INTS4: variants seen among roughly 807,000 people sequenced by gnomAD.
The protein encoded by INTS4 is integrator complex subunit 4.
A neutral mutation model predicts 119.5 loss-of-function variants in INTS4; 70 were observed. The ratio of observed to expected loss-of-function variants is 0.59; its 90% CI spans 0.48 to 0.71. INTS4 has a LOEUF of 0.71. INTS4 is among the 30% of genes least tolerant of loss of function. The pLI, the probability that INTS4 is intolerant of heterozygous loss-of-function variation, is 0.00. For missense variants in INTS4, 867 were observed against 1,173.2 expected, an observed-to-expected ratio of 0.74 and a Z score of 3.81; for synonymous variants, 316 against 419.6, an observed-to-expected ratio of 0.75 and a Z score of 3.02.
intron 15 of INTS4, chr11:77,911,228 G>A (rs529735997): frequency 4.0e-5 from 41 of 1,025,506 alleles, no homozygotes; most frequent in South Asian, 1.6e-4. Context: ...CTTCTTATTC[G>A]TTTGGGTTGC....
At chr11:77,900,289 C>T (rs1169452739) in intron 18 of INTS4, among the ~76,000 whole-genome samples, 2 of 152,062 alleles carry the variant, frequency 1.3e-5, no homozygotes, top group Non-Finnish European at 2.9e-5. Flanking sequence ...TTAGTAGAGA[C>T]AGGGTTTCAC....
intron 19 of INTS4, 99 bp from the exon 20 acceptor site, chr11:77,891,939 G>A (rs1206238013): frequency 6.4e-7 from 1 of 1,568,600 alleles, no homozygotes; most frequent in Non-Finnish European, 8.6e-7. Context: ...TAGGAAGAAT[G>A]ATGAAGTGAG....
chr11:77,896,368 C>T (rs1202724172), intron 18 of INTS4, among the ~76,000 whole-genome samples: 3 of 152,098 alleles, frequency 2.0e-5, no homozygotes, highest in African/African-American at 7.2e-5. Flanking sequence ...AAAGAATTTA[C>T]TGGCCAGGCA....
At chr11:77,968,222 T>C (rs1855575741) in intron 4 of INTS4, among the ~76,000 whole-genome samples, 1 of 152,210 alleles carries the variant, frequency 6.6e-6, no homozygotes, top group Non-Finnish European at 1.5e-5. Flanking sequence ...CTGTAATTGA[T>C]ATCCTTAAAA....
intron 1 of INTS4, among the ~76,000 whole-genome samples, chr11:77,992,378 C>A (rs771925834): frequency 5.3e-5 from 8 of 151,898 alleles, no homozygotes; most frequent in Non-Finnish European, 2.9e-5. Flanking sequence ...GCGAAAAGAG[C>A]GAAACTCCAT....
intron 19 of INTS4, among the ~76,000 whole-genome samples, chr11:77,892,644 G>A (rs1356063557): frequency 2.6e-5 from 4 of 152,054 alleles, no homozygotes; most frequent in Non-Finnish European, 5.9e-5. Context: ...GTGCAATGGC[G>A]TGATCTCGGC....
intron 7 of INTS4, among the ~76,000 whole-genome samples, chr11:77,957,386 T>C (rs1157024191): frequency 6.6e-6 from 1 of 151,760 alleles, no homozygotes; most frequent in Admixed American, 6.6e-5. Context: ...TCATCTCTAC[T>C]AAAAGTACAA....
rs774581157 is a variant in INTS4 at position 77,994,650 on chromosome 11, C to T, written c.-7G>A. ...TCTTAAGGTGCGCCGCCATGCCTAC[C>T]CGCGGGCCCTCTCAGCTTCCGTACA... is the stretch of plus-strand genomic sequence containing the variant. On this transcript the variant is annotated 5_prime_UTR_variant, in exon 1 of 23. Coordinates refer to ENST00000534064, the MANE Select transcript of INTS4 (RefSeq NM_033547.4). 5.0e-6 allele frequency: 8 copies of T among 1,614,168 alleles called. No individual in the cohort carries two copies. In the South Asian group the frequency reaches 7.7e-5, roughly 16 times the overall value.
At chr11:77,981,190 C>CAAAAAAAAAAAAAAAAAAAAAA (rs35194381) in intron 3 of INTS4, among the ~76,000 whole-genome samples, 8 of 88,834 alleles carry the variant, frequency 9.0e-5, no homozygotes, top group Non-Finnish European at 6.8e-5. Context: ...AACAAACAAG[C>CAAAAAAAAAAAAAAAAAAAAAA]AAAAAAAAAA....
At chr11:77,917,729 A>G (rs1348148400) in intron 15 of INTS4, among the ~76,000 whole-genome samples, 1 of 151,904 alleles carries the variant, frequency 6.6e-6, no homozygotes. Flanking sequence ...AAGAGCAAAC[A>G]ATACTGCTTT....
chr11:77,976,466 T>A (rs1463499589), intron 4 of INTS4, among the ~76,000 whole-genome samples: 1 of 152,178 alleles, frequency 6.6e-6, no homozygotes, highest in Non-Finnish European at 1.5e-5. Flanking sequence ...GAGGAACACT[T>A]GAGCCCAGGA....
chr11:77,971,642 CA>C (rs776254536), intron 4 of INTS4, among the ~76,000 whole-genome samples: 3 of 151,176 alleles, frequency 2.0e-5, no homozygotes, highest in Non-Finnish European at 4.4e-5. Context: ...GACTCCGACT[CA>C]AAAAAACAAA....
rs755051270 is a variant in INTS4 at position 77,891,834 on chromosome 11, G to A, written c.2295C>T (p.Phe765=). Residue 765 remains phenylalanine, a synonymous_variant, in exon 20 of 23, where the codon TTC becomes TTT. Coordinates refer to ENST00000534064, the MANE Select transcript of INTS4 (RefSeq NM_033547.4). The part of the protein sequence containing the change: ...LQEVDFFQRY[F]IADLPHLQDS... Reference sequence around the variant, plus strand: ...CCTGCAAGTGGGGCAAATCAGCGATGAAATACCTGGAGGAACAAACAGAAG... The same window carrying A: ...CCTGCAAGTGGGGCAAATCAGCGATAAAATACCTGGAGGAACAAACAGAAG... 3.1e-6 allele frequency: 5 copies of A among 1,611,226 alleles called. No individual in the cohort carries two copies. The South Asian group carries it at 5.5e-5, about 18-fold the overall frequency.
chr11:77,884,853 C>A, intron 21 of INTS4: 2 of 364,964 alleles, frequency 5.5e-6, no homozygotes, highest in South Asian at 2.1e-5. Context: ...CTCCTGGGCG[C>A]AAGTGATCTT....
intron 21 of INTS4, among the ~76,000 whole-genome samples, chr11:77,886,786 T>C (rs1230107347): frequency 6.6e-6 from 1 of 152,118 alleles, no homozygotes. Flanking sequence ...CAGGCCTTGC[T>C]AAGAAACTCA....
At chr11:77,980,200 T>A (rs1394885148) in intron 3 of INTS4, among the ~76,000 whole-genome samples, 3 of 151,742 alleles carry the variant, frequency 2.0e-5, no homozygotes, top group African/African-American at 4.8e-5. Context: ...CAGGCTAACT[T>A]CTCTAAGTAG....
chr11:77,888,404 G>T (rs1202075713), intron 21 of INTS4, among the ~76,000 whole-genome samples: 1 of 152,070 alleles, frequency 6.6e-6, no homozygotes, highest in Non-Finnish European at 1.5e-5. Context: ...CCTTCCTTAT[G>T]CCTTATACAA....
At chr11:77,878,561 C>A, downstream of INTS4, 1 of 510,922 alleles carries the variant, frequency 2.0e-6, no homozygotes, top group South Asian at 3.5e-5. Flanking sequence ...GACAAACACA[C>A]CGTCACTTTA....
intron 4 of INTS4, among the ~76,000 whole-genome samples, chr11:77,965,048 A>G (rs1393295839): frequency 2.6e-5 from 4 of 152,190 alleles, no homozygotes; most frequent in Non-Finnish European, 5.9e-5. Context: ...GTGGTGAGAC[A>G]TTTGAAATAT....
Sources: gnomAD v4.1 joint callset for allele counts (sites outside exome capture counted in the v4.1 genomes callset) on GRCh38, gnomAD v4.1.1 for gene constraint, MANE v1.5 for transcripts, NCBI Gene and HGNC (gene_info 2026-07-23, HGNC 2026-07-21) for gene names.